Variants in UNC5D observed in about 807,000 individuals in gnomAD.
UNC5D encodes the protein netrin receptor UNC5D.
UNC5D carries 39 observed loss-of-function variants against 105.4 expected under a neutral mutation model. That is an observed-to-expected ratio of 0.37 (90% CI 0.29 to 0.48). The LOEUF (loss-of-function observed/expected upper bound fraction) is 0.48. Among genes scored for constraint, UNC5D ranks in the 20% least tolerant of loss-of-function variants. The pLI is 0.98. For missense variants in UNC5D, 991 were observed against 1,202.4 expected (o/e 0.82, Z 2.60); for synonymous variants, 452 against 450.4 (o/e 1.00, Z -0.04).
intron 14 of UNC5D, among the ~76,000 whole-genome samples, chr8:35,761,297 G>C (rs1269771387): frequency 6.6e-6 from 1 of 152,000 alleles, no homozygotes. Flanking sequence ...CAAGTGACTT[G>C]GTCCAAAGTG....
intron 1 of UNC5D, among the ~76,000 whole-genome samples, chr8:35,293,849 A>G (rs1807261799): frequency 6.6e-6 from 1 of 152,208 alleles, no homozygotes; most frequent in Non-Finnish European, 1.5e-5. Context: ...TACCATGTGT[A>G]ATGATCCTTA....
chr8:35,447,612 A>G lies in UNC5D; in HGVS notation c.104-101680A>G, dbSNP rs1050615461. ...AATTGTGAGACTAAAGTAAAATTTA[A>G]AGTGCCTAAAAATCTGCCTGGCAGA... On this transcript the variant is annotated intron_variant, in intron 1 of 16. Coordinates refer to ENST00000404895, the MANE Select transcript of UNC5D (RefSeq NM_080872.4). Among the ~76,000 whole-genome samples the G allele has an allele frequency of 3.9e-5, 6 of 152,242 alleles. No homozygotes were observed. The South Asian group carries it at 1.2e-3, about 32-fold the overall frequency.
At chr8:35,438,356 G>A (rs548429094) in intron 1 of UNC5D, among the ~76,000 whole-genome samples, 67 of 152,094 alleles carry the variant, frequency 4.4e-4, no homozygotes, top group Middle Eastern at 3.4e-3. Flanking sequence ...ATTAAGTGAC[G>A]TTTGTAGAGT....
At chr8:35,675,775 T>C (rs898859105) in intron 4 of UNC5D, among the ~76,000 whole-genome samples, 1 of 152,054 alleles carries the variant, frequency 6.6e-6, no homozygotes, top group African/African-American at 2.4e-5. Context: ...GTTTTGTTTT[T>C]TCCATTTCTA....
At position 35,320,286 on chromosome 8, in the gene UNC5D, A is replaced by G. The variant is rs1809632706; in HGVS notation, c.103+84399A>G. ...ATTTGGTTGAAAGAGTTAAGTTATTATCTTAAGACTCGGAATCAGTAGAAG... is the reference window on the plus strand; with the variant it reads ...ATTTGGTTGAAAGAGTTAAGTTATTGTCTTAAGACTCGGAATCAGTAGAAG... On this transcript the variant is annotated intron_variant, in intron 1 of 16. Transcript: ENST00000404895. 2.0e-5 allele frequency among the ~76,000 whole-genome samples: 3 copies of G among 152,254 alleles called. No individual in the cohort carries two copies. In the South Asian group the frequency reaches 6.2e-4, roughly 32 times the overall value.
chr8:35,729,674 G>T lies in UNC5D; in HGVS notation c.1682-1338G>T, dbSNP rs1302668867. Among the ~76,000 whole-genome samples the T allele has an allele frequency of 2.6e-5, 4 of 152,150 alleles. No individual in the cohort carries two copies. The South Asian group carries it at 6.2e-4, about 24-fold the overall frequency. On this transcript the variant is annotated intron_variant, in intron 10 of 16. Transcript: ENST00000404895. ...TAGCAGCAGGGAGGTTTATAATGGA[G>T]GCCCCTTCATTTGGCAACTACATTT...
intron 2 of UNC5D, among the ~76,000 whole-genome samples, chr8:35,565,080 T>C (rs902583335): frequency 7.9e-5 from 12 of 152,210 alleles, no homozygotes; most frequent in Non-Finnish European, 1.8e-4. Flanking sequence ...CTTGATATAA[T>C]GACTTCGTTT....
chr8:35,548,358 T>A (rs1367947669), intron 1 of UNC5D, among the ~76,000 whole-genome samples: 1 of 152,196 alleles, frequency 6.6e-6, no homozygotes. Flanking sequence ...TTGCTTTCTT[T>A]GGTCTTACAG....
At chr8:35,760,800 G>T (rs1391770330) in intron 14 of UNC5D, among the ~76,000 whole-genome samples, 2 of 151,012 alleles carry the variant, frequency 1.3e-5, no homozygotes, top group African/African-American at 2.4e-5. Flanking sequence ...CTATAGACAG[G>T]TATACCAGCT....
intron 3 of UNC5D, among the ~76,000 whole-genome samples, chr8:35,585,028 C>T (rs1289665688): frequency 6.6e-6 from 1 of 152,102 alleles, no homozygotes; most frequent in Admixed American, 6.6e-5. Flanking sequence ...GTTCTTAAAG[C>T]ATTTTGGAAA....
chr8:35,696,400 T>C (rs1171960909), intron 7 of UNC5D, among the ~76,000 whole-genome samples: 2 of 151,916 alleles, frequency 1.3e-5, no homozygotes, highest in Non-Finnish European at 2.9e-5. Context: ...CCTCATTTTA[T>C]TAGTTCTGTA....
intron 4 of UNC5D, among the ~76,000 whole-genome samples, chr8:35,658,245 A>G (rs951149377): frequency 1.3e-5 from 2 of 152,244 alleles, no homozygotes; most frequent in Non-Finnish European, 2.9e-5. Context: ...ACAATCTTTT[A>G]AAATCTTAAG....
chr8:35,781,859 A>G (rs940733729), intron 16 of UNC5D, among the ~76,000 whole-genome samples: 4 of 152,218 alleles, frequency 2.6e-5, no homozygotes, highest in East Asian at 1.9e-4. Flanking sequence ...TACATTTCCA[A>G]AAAAAGAATT....
rs143723561 is a variant in UNC5D at position 35,550,899 on chromosome 8, A to G, written c.322+1389A>G. Among the ~76,000 whole-genome samples the G allele has an allele frequency of 7.2e-5, 11 of 152,340 alleles. No individual in the cohort carries two copies. The East Asian group carries it at 2.1e-3, about 29-fold the overall frequency. ...GAAGGTCACAAACATTAGTAAATGA[A>G]GAAAGCTTGGTATACGTTCAGCAAA... On this transcript the variant is annotated intron_variant, in intron 2 of 16. Coordinates refer to ENST00000404895, the MANE Select transcript of UNC5D (RefSeq NM_080872.4).
chr8:35,692,972 C>CATA (rs1236687673), intron 7 of UNC5D, among the ~76,000 whole-genome samples: 12 of 152,090 alleles, frequency 7.9e-5, no homozygotes, highest in African/African-American at 2.7e-4. Flanking sequence ...CCACAGGAGT[C>CATA]ATAATAATGT....
rs112026883 is a variant in UNC5D, at chr8:35,406,660, T to G, written c.104-142632T>G. ...CCAGGGAGGGAAAATAAACAGGAAG[T>G]TCTCCCTTTCCTTTTAAGGGCTTCC... On this transcript the variant is annotated intron_variant, in intron 1 of 16. Coordinates refer to ENST00000404895, the MANE Select transcript of UNC5D (RefSeq NM_080872.4). 6.8e-3 allele frequency among the ~76,000 whole-genome samples: 1,036 copies of G among 152,258 alleles called. 17 individuals are homozygous for G. Among genetic ancestry groups the G allele is most frequent in the African/African-American group, 0.024 (994 of 41,548 alleles).
chr8:35,258,754 G>A (rs1804250796), intron 1 of UNC5D, among the ~76,000 whole-genome samples: 1 of 152,136 alleles, frequency 6.6e-6, no homozygotes, highest in Non-Finnish European at 1.5e-5. Context: ...GTTTAGCAAG[G>A]GAGATGCCAG....
rs1405033694 is a variant in UNC5D at position 35,722,388 on chromosome 8, C to A, written c.1296C>A (p.Val432=). Residue 432 remains valine (V), a synonymous_variant, in exon 9 of 17, where the codon GTC becomes GTA. Transcript: ENST00000404895. The part of the protein sequence containing the change: ...GGFQTFNFKT[V]RQGNSLLLNS... ...TCCAGACCTTCAACTTCAAAACAGT[C>A]CGTCAAGGTCAGCGGCATAGGTCCC... 6.2e-7 allele frequency: 1 copy of A among 1,613,468 alleles called. No homozygotes were observed. The highest frequency in any genetic ancestry group is 8.5e-7 in the Non-Finnish European group (1 of 1,179,874).
chr8:35,412,810 G>C (rs1484644506), intron 1 of UNC5D, among the ~76,000 whole-genome samples: 1 of 152,036 alleles, frequency 6.6e-6, no homozygotes, highest in African/African-American at 2.4e-5. Context: ...CCTATTTATT[G>C]TGCATAAGAG....
Sources: gnomAD v4.1 joint callset for allele counts (sites outside exome capture counted in the v4.1 genomes callset) on GRCh38, gnomAD v4.1.1 for gene constraint, MANE v1.5 for transcripts, NCBI Gene and HGNC (gene_info 2026-07-23, HGNC 2026-07-21) for gene names.